The following EVC2 variants were observed in gnomAD, a reference collection of about 807,000 sequenced individuals.
The protein encoded by EVC2 is limbin.
A neutral mutation model predicts 149.3 loss-of-function variants in EVC2; 148 were observed. That is an observed-to-expected ratio of 0.99 (90% CI 0.87 to 1.14). EVC2 has a LOEUF of 1.14. Ranked by LOEUF, EVC2 falls within the 50% of genes most tolerant of loss-of-function variation. The pLI is 0.00. For synonymous variants in EVC2, 776 were observed against 649.9 expected, an observed-to-expected ratio of 1.19 and a Z score of -2.95; for missense variants, 1,854 against 1,627.3, an observed-to-expected ratio of 1.14 and a Z score of -2.40.
At chr4:5,687,057 G>C (rs1370716912) in intron 5 of EVC2, among the ~76,000 whole-genome samples, 2 of 152,072 alleles carry the variant, frequency 1.3e-5, no homozygotes, top group African/African-American at 2.4e-5. Flanking sequence ...AGGAGTTCGT[G>C]ACCAGCCTGG....
intron 15 of EVC2, among the ~76,000 whole-genome samples, chr4:5,617,031 A>G (rs1484425054): frequency 1.3e-5 from 2 of 152,072 alleles, no homozygotes; most frequent in African/African-American, 2.4e-5. Context: ...TTGATAATTT[A>G]CTCCTTACTC....
chr4:5,586,862 T>C (rs1309364704), intron 16 of EVC2, among the ~76,000 whole-genome samples: 1 of 152,158 alleles, frequency 6.6e-6, no homozygotes, highest in Non-Finnish European at 1.5e-5. Context: ...CCCAACCACC[T>C]TGGGCACATG....
At chr4:5,586,413 C>T (rs192060197) in intron 16 of EVC2, among the ~76,000 whole-genome samples, 1 of 152,150 alleles carries the variant, frequency 6.6e-6, no homozygotes, top group Non-Finnish European at 1.5e-5. Context: ...TAAGCCCCCC[C>T]TCAACCATCT....
chr4:5,581,627 A>G (rs1009266835), intron 17 of EVC2, among the ~76,000 whole-genome samples: 1 of 152,238 alleles, frequency 6.6e-6, no homozygotes, highest in African/African-American at 2.4e-5. Flanking sequence ...CATATGTGTG[A>G]GCAAAGAAAT....
At chr4:5,603,963 C>T (rs547378250) in intron 16 of EVC2, among the ~76,000 whole-genome samples, 3 of 152,230 alleles carry the variant, frequency 2.0e-5, no homozygotes, top group East Asian at 1.9e-4. Flanking sequence ...ATCTGCTAGC[C>T]GAATGCAGGG....
intron 16 of EVC2, among the ~76,000 whole-genome samples, chr4:5,585,150 G>A (rs1034595416): frequency 2.0e-5 from 3 of 152,088 alleles, no homozygotes; most frequent in Non-Finnish European, 4.4e-5. Context: ...TGTCCTAGAG[G>A]ATGGAAGTTC....
At chr4:5,690,676 GTCCACACAACTCA>G (rs67281134) in intron 4 of EVC2, among the ~76,000 whole-genome samples, 24,046 of 152,138 alleles carry the variant, frequency 0.16, 2,293 homozygotes, top group East Asian at 0.31. Flanking sequence ...ACTAAGCTCT[GTCCACACAACTCA>G]TCCACTGGGA....
chr4:5,553,196 G>C (rs1721773491), intron 21 of EVC2, among the ~76,000 whole-genome samples: 1 of 152,198 alleles, frequency 6.6e-6, no homozygotes, highest in African/African-American at 2.4e-5. Context: ...AGAAGGAGAA[G>C]GGGAAGCAGG....
At chr4:5,638,413 A>T (rs1717047153) in intron 10 of EVC2, among the ~76,000 whole-genome samples, 1 of 151,594 alleles carries the variant, frequency 6.6e-6, no homozygotes, top group Non-Finnish European at 1.5e-5. Flanking sequence ...AAAAAATTGT[A>T]ACAGATTTAG....
chr4:5,703,871 T>C (rs1721978489), intron 1 of EVC2, among the ~76,000 whole-genome samples: 1 of 151,790 alleles, frequency 6.6e-6, no homozygotes. Context: ...GGTTGCCATT[T>C]TAAATGGGGT....
the EVC2 span, among the ~76,000 whole-genome samples, chr4:5,534,400 T>C: frequency 6.6e-6 from 1 of 152,106 alleles, no homozygotes. Flanking sequence ...GATAGATAGA[T>C]GAAAACAGAG....
downstream of EVC2, among the ~76,000 whole-genome samples, chr4:5,541,397 G>T (rs1363406520): frequency 2.0e-5 from 3 of 152,200 alleles, no homozygotes; most frequent in Non-Finnish European, 4.4e-5. Flanking sequence ...GGGAAGCTCG[G>T]AAGCAGTTAT....
rs371489519 is a variant in EVC2 at position 5,584,750 on chromosome 4, C to T, written c.2930G>A (p.Arg977Gln). The change falls in exon 17 of 22, where the codon CGG becomes CAG. Residue 977 changes from arginine (R) to glutamine (Q), a missense_variant. Physicochemically the swap from Arg to Gln is conservative, Grantham distance 43. Transcript: ENST00000344408. ...GTAGGCCGACAGAGTCTCGGTCACC[C>T]GGGACGCCTTCTGGAACTGCAGAGC... ...LVALQFQKAS[R>Q]VTETLSAYTA... The T allele has an allele frequency of 2.3e-5, 37 of 1,613,962 alleles. No individual in the cohort carries two copies. The highest frequency in any genetic ancestry group is 1.1e-4 in the East Asian group (5 of 44,870).
intron 1 of EVC2, among the ~76,000 whole-genome samples, chr4:5,698,799 C>A (rs754805547): frequency 6.6e-6 from 1 of 152,242 alleles, no homozygotes; most frequent in East Asian, 1.9e-4. Context: ...TCACCCTGCA[C>A]GCAACGGCTG....
chr4:5,531,675 C>A, the EVC2 span, among the ~76,000 whole-genome samples: 1 of 151,946 alleles, frequency 6.6e-6, no homozygotes, highest in Non-Finnish European at 1.5e-5. Context: ...GCCTGATGAT[C>A]TGTCACTGTC....
rs540618727 is a variant in EVC2 at position 5,638,106 on chromosome 4, T to C, written c.1470+2408A>G. ...ATTACGTTTAAAGGTAAAAAAAAAT[T>C]GGCCATGCGTGGTGGCTCATGCCTG... On this transcript the variant is annotated intron_variant, in intron 10 of 21. Transcript: ENST00000344408. 2.0e-5 allele frequency among the ~76,000 whole-genome samples: 3 copies of C among 152,166 alleles called. 1 individual carries two copies. Among genetic ancestry groups the C allele is most frequent in the Admixed American group, 2.0e-4 (3 of 15,288 alleles).
At position 5,615,493 on chromosome 4, in the gene EVC2, G is replaced by A. The variant is rs762404021; in HGVS notation, c.2758C>T (p.Leu920Phe). ...TTGTCTTCGATGCACTTCTTCAGAA[G>A]CTCTCCCTTGCTTTTACTCTTGGAC... is the stretch of plus-strand genomic sequence containing the variant. The part of the protein sequence containing the change: ...SRSKSKSKGE[L>F]LKKCIEDKIH... Residue 920 changes from leucine to phenylalanine, a missense_variant, in exon 16 of 22, where the codon CTT (leucine) becomes TTT (phenylalanine). Leu to Phe is a conservative substitution (Grantham distance 22). Transcript: ENST00000344408. 1.2e-5 allele frequency: 19 copies of A among 1,614,116 alleles called. No homozygotes were observed. The highest frequency in any genetic ancestry group is 3.3e-4 in the Middle Eastern group (2 of 6,084).
intron 4 of EVC2, 21 bp from the exon 5 acceptor site, chr4:5,689,364 A>G: frequency 1.2e-6 from 2 of 1,613,420 alleles, no homozygotes; most frequent in Non-Finnish European, 1.7e-6. Context: ...AGGAGAAGGC[A>G]TGAGGGCAGA....
In EVC2 at chr4:5,568,435, G is replaced by A. The variant is rs928653922; in HGVS notation, c.3557+9C>T. 7.1e-6 allele frequency: 11 copies of A among 1,547,044 alleles called. No homozygotes were observed. Among genetic ancestry groups the A allele is most frequent in the South Asian group, 3.6e-5 (3 of 84,418 alleles). ...GTGCCCCGGGAGGCAGCCCCTCCAC[G>A]GCACTCACCTCCGCCTGCCCACGTC... On this transcript the variant is annotated intron_variant, in intron 20 of 21. Transcript: ENST00000344408.
Sources: allele counts gnomAD v4.1 joint callset (sites outside exome capture counted in the v4.1 genomes callset), GRCh38; gene constraint gnomAD v4.1.1; transcripts MANE v1.5; gene names NCBI Gene and HGNC (gene_info 2026-07-23, HGNC 2026-07-21).